LEF1: variants seen among roughly 807,000 people sequenced by gnomAD.
The protein encoded by LEF1 is lymphoid enhancer binding factor 1.
A neutral mutation model predicts 51.2 loss-of-function variants in LEF1; 14 were observed. The ratio of observed to expected loss-of-function variants is 0.27; its 90% CI spans 0.18 to 0.43. The LOEUF (loss-of-function observed/expected upper bound fraction) is 0.43, where lower values mean the gene tolerates loss of function less well. Among genes scored for constraint, LEF1 ranks in the 20% least tolerant of loss-of-function variants. The probability of loss-of-function intolerance (pLI) is 1.00; values close to 1 mark genes in which losing one functional copy is unlikely to be tolerated. For synonymous variants in LEF1, 185 were observed against 183.2 expected (o/e 1.01, Z -0.08); for missense variants, 386 against 512.0 (o/e 0.75, Z 2.37).
In LEF1 at chr4:108,168,384, A is replaced by G. The variant is rs1448269392; in HGVS notation, c.-617T>C. 6.6e-6 allele frequency: 1 copy of G among 152,266 alleles called. No individual in the cohort carries two copies. Among genetic ancestry groups the G allele is most frequent in the Non-Finnish European group, 1.5e-5 (1 of 68,108 alleles). The allele number at this position is 152,266 out of a possible 1,614,324, so 9.4% of individuals were successfully genotyped here. ...AGGGTGGGAAAAAAAGAAAAAGAAA[A>G]AGGAGCCACCCACGCTGGAGATGTC... On this transcript the variant is annotated 5_prime_UTR_variant, in exon 1 of 12. Coordinates refer to ENST00000265165, the MANE Select transcript of LEF1 (RefSeq NM_016269.5). This position sits in a 1 kb window ranked among gnomAD's most constrained non-coding sequence, Gnocchi z 4.6.
At chr4:108,133,355 C>G (rs1743028785) in intron 3 of LEF1, among the ~76,000 whole-genome samples, 1 of 152,168 alleles carries the variant, frequency 6.6e-6, no homozygotes, top group Non-Finnish European at 1.5e-5. Flanking sequence ...GTGACAGTGA[C>G]TATGTAATCA....
At chr4:108,164,080 AAC>A (rs893792661) in intron 2 of LEF1, among the ~76,000 whole-genome samples, 2 of 152,294 alleles carry the variant, frequency 1.3e-5, no homozygotes, top group African/African-American at 4.8e-5. Flanking sequence ...GCTACACACA[AAC>A]ACAGAGATTT....
At chr4:108,092,556 A>T (rs1234255232) in intron 3 of LEF1, among the ~76,000 whole-genome samples, 1 of 152,216 alleles carries the variant, frequency 6.6e-6, no homozygotes, top group East Asian at 1.9e-4. Context: ...ACAAAGTGAG[A>T]ACCCTGGCAC....
intron 3 of LEF1, among the ~76,000 whole-genome samples, chr4:108,141,464 T>C (rs1211997899): frequency 6.6e-6 from 1 of 152,202 alleles, no homozygotes; most frequent in Non-Finnish European, 1.5e-5. Flanking sequence ...CTGCTCCCCG[T>C]CTTCACACAG....
chr4:108,101,232 C>A (rs1273057060), intron 3 of LEF1, among the ~76,000 whole-genome samples: 1 of 151,938 alleles, frequency 6.6e-6, no homozygotes, highest in Non-Finnish European at 1.5e-5. Flanking sequence ...CCATAAGACA[C>A]AAAAAAAGCA....
intron 3 of LEF1, among the ~76,000 whole-genome samples, chr4:108,107,031 T>C (rs1484766867): frequency 2.0e-5 from 3 of 152,120 alleles, no homozygotes; most frequent in African/African-American, 7.2e-5. Context: ...TTGTGCATGA[T>C]TGGAAAATAC....
chr4:108,070,491 G>T, intron 9 of LEF1, 172 bp downstream of exon 9: 1 of 416,686 alleles, frequency 2.4e-6, no homozygotes, highest in Non-Finnish European at 4.3e-6. Context: ...AAAAAAGATA[G>T]CTCGAAGCTT....
intron 3 of LEF1, among the ~76,000 whole-genome samples, chr4:108,118,150 C>A (rs182199870): frequency 2.0e-5 from 3 of 152,328 alleles, no homozygotes; most frequent in Admixed American, 1.3e-4. Context: ...CCAGATCTTT[C>A]ACCAAAGTCC....
chr4:108,053,917 T>G (rs953973837), intron 11 of LEF1, among the ~76,000 whole-genome samples: 4 of 152,210 alleles, frequency 2.6e-5, no homozygotes, highest in African/African-American at 9.6e-5. Flanking sequence ...CAATCCACAT[T>G]TCTCTCAACA....
At chr4:108,080,029 T>C (rs1739182499) in intron 6 of LEF1, among the ~76,000 whole-genome samples, 1 of 152,210 alleles carries the variant, frequency 6.6e-6, no homozygotes, top group African/African-American at 2.4e-5. Context: ...AGGGAACAAC[T>C]GAGAAAACGG....
At chr4:108,098,323 C>G (rs1356128479) in intron 3 of LEF1, among the ~76,000 whole-genome samples, 2 of 152,068 alleles carry the variant, frequency 1.3e-5, no homozygotes, top group Admixed American at 1.3e-4. Context: ...TCTCCTGTGG[C>G]GGGGTTGTGG....
At chr4:108,143,360 A>AT (rs1364991655) in intron 3 of LEF1, among the ~76,000 whole-genome samples, 1 of 152,146 alleles carries the variant, frequency 6.6e-6, no homozygotes, top group African/African-American at 2.4e-5. Flanking sequence ...AAATCTGTAT[A>AT]TTTTTCTCTT....
intron 3 of LEF1, among the ~76,000 whole-genome samples, chr4:108,109,205 G>A (rs1741366912): frequency 6.6e-6 from 1 of 152,218 alleles, no homozygotes; most frequent in Non-Finnish European, 1.5e-5. Context: ...TCCACTCCTT[G>A]TAAGGCCATC....
chr4:108,101,524 T>C (rs1458545625), intron 3 of LEF1, among the ~76,000 whole-genome samples: 2 of 152,156 alleles, frequency 1.3e-5, no homozygotes, highest in Non-Finnish European at 2.9e-5. Flanking sequence ...TAAGGGCTTA[T>C]TGAAGAATGT....
chr4:108,087,262 C>T (rs191721555), intron 4 of LEF1, among the ~76,000 whole-genome samples: 1 of 152,178 alleles, frequency 6.6e-6, no homozygotes, highest in African/African-American at 2.4e-5. Flanking sequence ...AACACAAGGC[C>T]TGGGATAAAA....
In LEF1 at chr4:108,078,344, T is replaced by C. The variant is rs532317726; in HGVS notation, c.884A>G (p.Lys295Arg). ...CAGAGGCTTCTTAATGTGAGGTCTTTTTGGCTCCTGCTCCTTTCTCTGTTC... is the reference window on the plus strand; with the variant it reads ...CAGAGGCTTCTTAATGTGAGGTCTTCTTGGCTCCTGCTCCTTTCTCTGTTC... ...QHEQRKEQEPKRPHIKKPLNA... is the reference protein window; with the variant it reads ...QHEQRKEQEPRRPHIKKPLNA... Residue 295 changes from lysine (K) to arginine (R), a missense_variant, in exon 8 of 12, where the codon AAA becomes AGA. By Grantham distance (26) the Lys-to-Arg change is conservative. Around this residue, in one of 2 missense-constraint regions of LEF1, gnomAD observed 335 missense variants for 390.7 expected, o/e 0.86. Coordinates refer to ENST00000265165, the MANE Select transcript of LEF1 (RefSeq NM_016269.5). 6.2e-7 allele frequency: 1 copy of C among 1,614,174 alleles called. No individual in the cohort carries two copies. The highest frequency in any genetic ancestry group is 1.7e-5 in the Admixed American group (1 of 60,020).
intron 3 of LEF1, among the ~76,000 whole-genome samples, chr4:108,117,498 G>A (rs4245930): frequency 0.54 from 81,600 of 152,100 alleles, 23,066 homozygotes; most frequent in Middle Eastern, 0.73. Flanking sequence ...GTGTTCTTCA[G>A]TAACTTTCTT....
intron 3 of LEF1, among the ~76,000 whole-genome samples, chr4:108,112,653 G>C (rs1168878120): frequency 6.6e-6 from 1 of 152,174 alleles, no homozygotes; most frequent in Admixed American, 6.5e-5. Flanking sequence ...TATTAGTTAA[G>C]TTCTTAGAAT....
intron 11 of LEF1, among the ~76,000 whole-genome samples, chr4:108,052,715 T>C (rs982217247): frequency 1.5e-4 from 23 of 152,116 alleles, no homozygotes; most frequent in Non-Finnish European, 3.1e-4. Flanking sequence ...TGGTGACCCC[T>C]AGAGAGTCCC....
Sources: allele counts gnomAD v4.1 joint callset (sites outside exome capture counted in the v4.1 genomes callset), GRCh38; gene constraint gnomAD v4.1.1; regional missense constraint gnomAD v4.1.1; non-coding constraint Gnocchi (gnomAD v3.1); transcripts MANE v1.5; gene names NCBI Gene and HGNC (gene_info 2026-07-23, HGNC 2026-07-21).